Variants in TNIK observed in about 807,000 individuals in gnomAD.
TNIK encodes TRAF2 and NCK-interacting protein kinase.
TNIK carries 49 observed loss-of-function variants against 191.3 expected under a neutral mutation model. That is an observed-to-expected ratio of 0.26 (90% CI 0.20 to 0.32). TNIK has a LOEUF of 0.32. TNIK is among the 10% of genes least tolerant of loss of function. The pLI, the probability that TNIK is intolerant of heterozygous loss-of-function variation, is 1.00. For synonymous variants in TNIK, 594 were observed against 600.9 expected (o/e 0.99, Z 0.17); for missense variants, 1,155 against 1,702.3 (o/e 0.68, Z 5.66).
chr3:171,211,793 C>T (rs1740865942), intron 3 of TNIK, among the ~76,000 whole-genome samples: 1 of 152,122 alleles, frequency 6.6e-6, no homozygotes, highest in Non-Finnish European at 1.5e-5. Context: ...GAGTACCCAC[C>T]TCACCTTCAG....
intron 2 of TNIK, among the ~76,000 whole-genome samples, chr3:171,235,135 G>A (rs1352190149): frequency 6.6e-6 from 1 of 152,140 alleles, no homozygotes; most frequent in Non-Finnish European, 1.5e-5. Context: ...TCCACCTCCT[G>A]GGTTCAAGTG....
chr3:171,059,386 G>T lies in TNIK; in HGVS notation c.*4495C>A, dbSNP rs892892554. Among the ~76,000 whole-genome samples, 1 of 152,120 alleles carries T rather than the reference G, an allele frequency of 6.6e-6. No homozygotes were observed. Among genetic ancestry groups the T allele is most frequent in the African/African-American group, 2.4e-5 (1 of 41,432 alleles). On this transcript the variant is annotated 3_prime_UTR_variant, in exon 33 of 33. Coordinates refer to ENST00000436636, the MANE Select transcript of TNIK (RefSeq NM_015028.4). ...ATTCTGGCACTTCCTGGAATGGCAGGTCTAGAAGAATAAAGTCCAAAGCAC... is the reference window on the plus strand; with the variant it reads ...ATTCTGGCACTTCCTGGAATGGCAGTTCTAGAAGAATAAAGTCCAAAGCAC...
intron 2 of TNIK, among the ~76,000 whole-genome samples, chr3:171,288,807 C>CAAAAAAAA (rs10666822): frequency 1.8e-5 from 2 of 109,076 alleles, no homozygotes; most frequent in Admixed American, 9.9e-5. Flanking sequence ...GACTCCATCT[C>CAAAAAAAA]AAAAAAAAAA....
intron 2 of TNIK, among the ~76,000 whole-genome samples, chr3:171,294,827 T>C (rs987833105): frequency 6.6e-6 from 1 of 152,066 alleles, no homozygotes; most frequent in Admixed American, 6.5e-5. Context: ...TGTATCCCCA[T>C]CCCAAATCTC....
intron 2 of TNIK, among the ~76,000 whole-genome samples, chr3:171,263,107 A>C (rs938709876): frequency 6.6e-5 from 10 of 152,224 alleles, no homozygotes; most frequent in African/African-American, 2.4e-4. Context: ...AAAATTCACC[A>C]GGCTATTCCC....
At chr3:171,237,543 T>C (rs1005495017) in intron 2 of TNIK, among the ~76,000 whole-genome samples, 3 of 151,354 alleles carry the variant, frequency 2.0e-5, no homozygotes, top group African/African-American at 7.3e-5. Flanking sequence ...CCCAGCCAAA[T>C]GTCTCCTCTG....
chr3:171,145,997 C>T (rs1731516697), intron 12 of TNIK, among the ~76,000 whole-genome samples: 1 of 152,202 alleles, frequency 6.6e-6, no homozygotes, highest in Non-Finnish European at 1.5e-5. Context: ...CATTGCACTA[C>T]TTACTAGGCA....
At chr3:171,208,283 C>T (rs892038091) in intron 4 of TNIK, among the ~76,000 whole-genome samples, 5 of 151,752 alleles carry the variant, frequency 3.3e-5, no homozygotes, top group African/African-American at 9.7e-5. Context: ...ACGGTGCCAC[C>T]GCACTCCAGC....
At chr3:171,345,378 G>A (rs2108417465) in intron 2 of TNIK, among the ~76,000 whole-genome samples, 1 of 152,104 alleles carries the variant, frequency 6.6e-6, no homozygotes, top group South Asian at 2.1e-4. Context: ...GCAAGAGCAG[G>A]CAATAGGCTG....
chr3:171,265,489 T>C (rs141948983), intron 2 of TNIK, among the ~76,000 whole-genome samples: 3 of 152,320 alleles, frequency 2.0e-5, no homozygotes, highest in Admixed American at 2.0e-4. Flanking sequence ...ATGAACTGAG[T>C]GGTCTCAGAC....
rs1725998172 is a variant in TNIK, at chr3:171,112,502, GA to G, written c.2121-1626del. ...AAAAGTCTTGAAAAATATTAAAAGG[GA>G]AAAAATAAGGAAGGAACACACATAA... is the stretch of plus-strand genomic sequence containing the variant. On this transcript the variant is annotated intron_variant, in intron 18 of 32. Transcript: ENST00000436636. Among the ~76,000 whole-genome samples, 10 of 152,038 alleles carry G rather than the reference GA, an allele frequency of 6.6e-5. No homozygotes were observed. In the South Asian group the frequency reaches 2.1e-3, roughly 32 times the overall value.
In TNIK at chr3:171,100,714, G is replaced by GAA. The variant is rs377072771; in HGVS notation, c.2591+733_2591+734dup. Among the ~76,000 whole-genome samples the GAA allele has an allele frequency of 2.0e-4, 6 of 30,746 alleles. No homozygotes were observed. In the South Asian group the frequency reaches 5.0e-3, roughly 25 times the overall value. The allele number at this position is 30,746 out of a possible 152,430, so 20.2% of individuals were successfully genotyped here. Reference sequence around the variant, plus strand: ...TCTTTCACGGGATCCACTCCAATAAGAAAAAAAAAAAATGAACTTTCTCCT... The same window carrying GAA: ...TCTTTCACGGGATCCACTCCAATAAGAAAAAAAAAAAAAATGAACTTTCTCCT... On this transcript the variant is annotated intron_variant, in intron 22 of 32. Coordinates refer to ENST00000436636, the MANE Select transcript of TNIK (RefSeq NM_015028.4).
chr3:171,160,234 G>A (rs1256186258), intron 11 of TNIK, among the ~76,000 whole-genome samples: 1 of 152,192 alleles, frequency 6.6e-6, no homozygotes, highest in South Asian at 2.1e-4. Flanking sequence ...CAGGTGAAGA[G>A]AGAAAAACTG....
chr3:171,209,064 G>C (rs1429325110), intron 4 of TNIK, among the ~76,000 whole-genome samples: 1 of 142,016 alleles, frequency 7.0e-6, no homozygotes, highest in Non-Finnish European at 1.5e-5. Context: ...CTTTGGAAGG[G>C]GTGTGTGTGT....
At chr3:171,422,253 C>A (rs957657914) in intron 1 of TNIK, among the ~76,000 whole-genome samples, 5 of 151,994 alleles carry the variant, frequency 3.3e-5, no homozygotes, top group Non-Finnish European at 7.4e-5. Context: ...AATGCACTCT[C>A]TGGAAATGTT....
rs1717692142 is a variant in TNIK at position 171,060,124 on chromosome 3, TAACAC to T, written c.*3752_*3756del. ...GACTTTCAAAGACAGCACACACTGT[TAACAC>T]AAAGAGCTCTTCCACGTTTCAAGAA... On this transcript the variant is annotated 3_prime_UTR_variant, in exon 33 of 33. Transcript: ENST00000436636. 6.6e-6 allele frequency among the ~76,000 whole-genome samples: 1 copy of T among 152,210 alleles called. No individual in the cohort carries two copies. Among genetic ancestry groups the T allele is most frequent in the African/African-American group, 2.4e-5 (1 of 41,460 alleles).
chr3:171,223,674 T>C (rs1486359589), intron 3 of TNIK, among the ~76,000 whole-genome samples: 2 of 152,166 alleles, frequency 1.3e-5, no homozygotes, highest in East Asian at 1.9e-4. Context: ...CTTGGTTAGC[T>C]GCTGAAAGGA....
chr3:171,352,358 A>G (rs1428284615), intron 2 of TNIK, among the ~76,000 whole-genome samples: 1 of 152,218 alleles, frequency 6.6e-6, no homozygotes, highest in Non-Finnish European at 1.5e-5. Context: ...CCACACCCCA[A>G]GTATGGAGGG....
chr3:171,060,628 G>A lies in TNIK; in HGVS notation c.*3253C>T, dbSNP rs1296887938. 6.6e-6 allele frequency among the ~76,000 whole-genome samples: 1 copy of A among 152,174 alleles called. No homozygotes were observed. Among genetic ancestry groups the A allele is most frequent in the Non-Finnish European group, 1.5e-5 (1 of 68,030 alleles). ...AAAATAGAGCTGTTCAATTTTATGT[G>A]GAACTTAGTGAAGGCTGTCTTCATT... On this transcript the variant is annotated 3_prime_UTR_variant, in exon 33 of 33. Coordinates refer to ENST00000436636, the MANE Select transcript of TNIK (RefSeq NM_015028.4).
Sources: gnomAD v4.1 joint callset for allele counts (sites outside exome capture counted in the v4.1 genomes callset) on GRCh38, gnomAD v4.1.1 for gene constraint, MANE v1.5 for transcripts, NCBI Gene and HGNC (gene_info 2026-07-23, HGNC 2026-07-21) for gene names.